Variants in TOX observed in about 807,000 individuals in gnomAD.
TOX encodes the protein thymocyte selection associated high mobility group box.
Under a neutral mutation model 53.7 loss-of-function variants are expected in TOX, and 11 were observed. The observed-to-expected ratio is 0.20, with a 90% CI of 0.13 to 0.34. The LOEUF (loss-of-function observed/expected upper bound fraction) is 0.34. TOX is among the 10% of genes least tolerant of loss of function. The probability of loss-of-function intolerance (pLI) is 1.00; values close to 1 mark genes in which losing one functional copy is unlikely to be tolerated. For synonymous variants in TOX, 225 were observed against 245.3 expected (o/e 0.92, Z 0.77); for missense variants, 570 against 664.6 (o/e 0.86, Z 1.56).
At position 59,063,565 on chromosome 8, in the gene TOX, A is replaced by T. The variant is rs554144340; in HGVS notation, c.102+55321T>A. Among the ~76,000 whole-genome samples the T allele has an allele frequency of 1.1e-4, 16 of 151,852 alleles. No homozygotes were observed. In the East Asian group the frequency reaches 1.2e-3, roughly 11 times the overall value. ...CAGCCTCCCGAGTAGCTGGAACTAC[A>T]GGTGCATGCCACCACGCCGGGCTAA... On this transcript the variant is annotated intron_variant, in intron 1 of 8. Transcript: ENST00000361421.
intron 1 of TOX, among the ~76,000 whole-genome samples, chr8:58,976,220 A>G (rs1323998155): frequency 6.6e-6 from 1 of 152,226 alleles, no homozygotes; most frequent in Non-Finnish European, 1.5e-5. Context: ...CTGCTGCTCT[A>G]TCAACTAAGT....
chr8:58,860,240 T>G (rs1810986125), intron 3 of TOX, among the ~76,000 whole-genome samples: 1 of 152,128 alleles, frequency 6.6e-6, no homozygotes, highest in South Asian at 2.1e-4. Flanking sequence ...ATTTTTCAAC[T>G]CATAAAAAGA....
Position 58,861,854 on chromosome 8 carries a change from C to T in TOX, c.412-10049G>A, listed in dbSNP as rs578167724. On this transcript the variant is annotated intron_variant, in intron 3 of 8. Coordinates refer to ENST00000361421, the MANE Select transcript of TOX (RefSeq NM_014729.3). ...ATAGAGATGTCAAGTGGGATATTGA[C>T]TTCCTAACATCAGTTCAGAACATTG... Among the ~76,000 whole-genome samples, 22 of 152,250 alleles carry T rather than the reference C, an allele frequency of 1.4e-4. No homozygotes were observed. In the South Asian group the frequency reaches 3.5e-3, roughly 24 times the overall value.
chr8:59,061,186 G>C (rs557536312), intron 1 of TOX, among the ~76,000 whole-genome samples: 2 of 152,320 alleles, frequency 1.3e-5, no homozygotes, highest in African/African-American at 4.8e-5. Flanking sequence ...CCAAATCTGT[G>C]TTTGAGTGTG....
At chr8:58,991,347 C>T (rs780735147) in intron 1 of TOX, among the ~76,000 whole-genome samples, 50 of 152,168 alleles carry the variant, frequency 3.3e-4, no homozygotes, top group Admixed American at 1.1e-3. Context: ...CTTTCTCCCT[C>T]GAGCACTAGA....
intron 3 of TOX, among the ~76,000 whole-genome samples, chr8:58,937,835 G>C (rs1316721127): frequency 6.6e-6 from 1 of 152,122 alleles, no homozygotes; most frequent in South Asian, 2.1e-4. Flanking sequence ...ACAGAGGCAT[G>C]ACCTGAATGC....
chr8:59,051,706 C>T (rs904425040), intron 1 of TOX, among the ~76,000 whole-genome samples: 1 of 152,122 alleles, frequency 6.6e-6, no homozygotes, highest in Non-Finnish European at 1.5e-5. Context: ...ACAATCTGGG[C>T]ATCCAGCAGA....
At chr8:59,097,779 T>A (rs950851881) in intron 1 of TOX, among the ~76,000 whole-genome samples, 1 of 152,252 alleles carries the variant, frequency 6.6e-6, no homozygotes, top group South Asian at 2.1e-4. Flanking sequence ...GTAAACATTA[T>A]GTTTTATGAA....
At chr8:58,954,342 C>CA (rs1812676383) in intron 2 of TOX, among the ~76,000 whole-genome samples, 1 of 152,074 alleles carries the variant, frequency 6.6e-6, no homozygotes. Context: ...ATGGAAGACT[C>CA]TAAGTATTCA....
intron 1 of TOX, among the ~76,000 whole-genome samples, chr8:59,052,637 A>G (rs1039076036): frequency 1.3e-5 from 2 of 152,202 alleles, no homozygotes; most frequent in East Asian, 3.8e-4. Context: ...ATGTTTTTAC[A>G]TGAGGCAACA....
intron 1 of TOX, among the ~76,000 whole-genome samples, chr8:59,011,480 C>A (rs1483163908): frequency 6.6e-6 from 1 of 152,168 alleles, no homozygotes; most frequent in East Asian, 1.9e-4. Context: ...GCCTAAGCCT[C>A]CTGAACATGG....
At chr8:58,817,444 T>C (rs1211988216) in intron 6 of TOX, among the ~76,000 whole-genome samples, 1 of 152,168 alleles carries the variant, frequency 6.6e-6, no homozygotes, top group Non-Finnish European at 1.5e-5. Context: ...TTAAAAATTC[T>C]TATTGTTGAT....
At position 58,969,803 on chromosome 8, in the gene TOX, A is replaced by C. The variant is rs182557151; in HGVS notation, c.103-9795T>G. Reference sequence around the variant, plus strand: ...TCCATTTTATCATATGTTGCCAGAAACATGTCAAAGCCAAAACTGGAAGAC... The same window carrying C: ...TCCATTTTATCATATGTTGCCAGAACCATGTCAAAGCCAAAACTGGAAGAC... On this transcript the variant is annotated intron_variant, in intron 1 of 8. Coordinates refer to ENST00000361421, the MANE Select transcript of TOX (RefSeq NM_014729.3). 1.7e-4 allele frequency among the ~76,000 whole-genome samples: 26 copies of C among 152,302 alleles called. No homozygotes were observed. The East Asian group carries it at 4.6e-3, about 27-fold the overall frequency.
intron 1 of TOX, among the ~76,000 whole-genome samples, chr8:59,103,360 G>C (rs977693731): frequency 1.3e-5 from 2 of 152,136 alleles, no homozygotes; most frequent in African/African-American, 4.8e-5. Flanking sequence ...GGACAAAAGA[G>C]TATTATGTTG....
chr8:58,868,147 C>CA (rs780383816), intron 3 of TOX, among the ~76,000 whole-genome samples: 8 of 152,156 alleles, frequency 5.3e-5, no homozygotes, highest in African/African-American at 1.9e-4. Context: ...AGTTCCTCTG[C>CA]ACATGCTCCC....
intron 4 of TOX, among the ~76,000 whole-genome samples, chr8:58,838,778 T>G (rs965320640): frequency 2.1e-5 from 3 of 142,328 alleles, no homozygotes; most frequent in African/African-American, 7.8e-5. Flanking sequence ...CTCAGCTCAC[T>G]GCAACCTCTG....
intron 3 of TOX, among the ~76,000 whole-genome samples, chr8:58,920,718 C>T (rs992282543): frequency 7.3e-5 from 1 of 13,684 alleles, no homozygotes; most frequent in African/African-American, 1.7e-4. Flanking sequence ...AAAAAAAAAA[C>T]ATTAAAAAAA....
chr8:58,959,641 T>A (rs919896185), intron 2 of TOX, among the ~76,000 whole-genome samples: 2 of 152,342 alleles, frequency 1.3e-5, no homozygotes, highest in African/African-American at 2.4e-5. Flanking sequence ...AGCACAAATA[T>A]CCTGCACCTG....
Position 58,910,775 on chromosome 8 carries a change from T to C in TOX, c.411+28527A>G, listed in dbSNP as rs112103167. 6.3e-3 allele frequency among the ~76,000 whole-genome samples: 959 copies of C among 152,286 alleles called. 13 individuals are homozygous for C. The highest frequency in any genetic ancestry group is 0.022 in the African/African-American group (919 of 41,568). ...CGCAAAGAAATAAGTCATAGTAGAC[T>C]TATTTGTATTCCTCTATTTCAGTGG... On this transcript the variant is annotated intron_variant, in intron 3 of 8. Coordinates refer to ENST00000361421, the MANE Select transcript of TOX (RefSeq NM_014729.3).
Sources: gnomAD v4.1 joint callset for allele counts (sites outside exome capture counted in the v4.1 genomes callset) on GRCh38, gnomAD v4.1.1 for gene constraint, MANE v1.5 for transcripts, NCBI Gene and HGNC (gene_info 2026-07-23, HGNC 2026-07-21) for gene names.